ATG2B: variants seen among roughly 807,000 people sequenced by gnomAD.
ATG2B encodes the protein autophagy-related protein 2 homolog B.
In ATG2B, 121 loss-of-function variants were observed where a neutral mutation model predicts 241.3. That is an observed-to-expected ratio of 0.50 (90% CI 0.43 to 0.58). The LOEUF is 0.58. ATG2B is among the 20% of genes least tolerant of loss of function. The pLI is 0.00. For missense variants in ATG2B, 2,306 were observed against 2,491.6 expected (o/e 0.93, Z 1.59); for synonymous variants, 858 against 876.6 (o/e 0.98, Z 0.37).
chr14:96,344,831 G>A (rs1161438856), intron 3 of ATG2B, 75 bp from the exon 4 acceptor site: 2 of 583,322 alleles, frequency 3.4e-6, no homozygotes, highest in Non-Finnish European at 5.6e-6. Flanking sequence ...AAATAAATAA[G>A]TACTAGTTTG....
At chr14:96,322,808 TA>T (rs1207340785) in intron 16 of ATG2B, 73 bp from the exon 17 acceptor site, 3 of 1,193,086 alleles carry the variant, frequency 2.5e-6, no homozygotes, top group Non-Finnish European at 3.6e-6. Flanking sequence ...TTGTGCAAAT[TA>T]ATACACACAC....
intron 23 of ATG2B, 92 bp downstream of exon 23, chr14:96,315,062 G>C: frequency 2.3e-6 from 2 of 876,472 alleles, no homozygotes; most frequent in East Asian, 5.3e-5. Flanking sequence ...TCACTGAGCT[G>C]AACATTTATG....
chr14:96,306,654 C>T (rs1241424724), intron 30 of ATG2B, 60 bp downstream of exon 30: 1 of 1,423,460 alleles, frequency 7.0e-7, no homozygotes, highest in African/African-American at 1.4e-5. Flanking sequence ...CTCCAGGTAC[C>T]CTTTGGTCAA....
Position 96,316,515 on chromosome 14 carries a change from G to A in ATG2B, c.3361+18C>T, listed in dbSNP as rs750676875. ...AACATGTCTAAAGAGAAGAAACCAA[G>A]ACACGTGTTTGTCCTACCTTTATGG... On this transcript the variant is annotated intron_variant, in intron 21 of 41. Coordinates refer to ENST00000359933, the MANE Select transcript of ATG2B (RefSeq NM_018036.7). 3 of 1,605,304 alleles carry A rather than the reference G, an allele frequency of 1.9e-6. No individual in the cohort carries two copies. In the South Asian group the frequency reaches 3.4e-5, roughly 18 times the overall value.
chr14:96,319,106 C>G (rs1298291852), intron 18 of ATG2B, among the ~76,000 whole-genome samples: 1 of 152,174 alleles, frequency 6.6e-6, no homozygotes, highest in African/African-American at 2.4e-5. Flanking sequence ...CAGCCCTGCC[C>G]CCTTCTGTGA....
intron 16 of ATG2B, among the ~76,000 whole-genome samples, chr14:96,323,238 G>A (rs1340643269): frequency 1.3e-5 from 2 of 152,062 alleles, no homozygotes; most frequent in Non-Finnish European, 2.9e-5. Context: ...ATAAAGGGCT[G>A]GTGCTGTTTC....
chr14:96,354,848 G>A lies in ATG2B; in HGVS notation c.163-7507C>T, dbSNP rs766569213. On this transcript the variant is annotated intron_variant, in intron 1 of 41. Coordinates refer to ENST00000359933, the MANE Select transcript of ATG2B (RefSeq NM_018036.7). The stretch of plus-strand genomic sequence containing the variant: ...TAATAATAGCCATTTTGAGTGGTGC[G>A]AGATGGTATCTCATTGTGGTTTTGA... 4.3e-4 allele frequency among the ~76,000 whole-genome samples: 65 copies of A among 152,148 alleles called. 1 individual carries two copies. The highest frequency in any genetic ancestry group is 1.3e-4 in the Admixed American group (2 of 15,286).
At position 96,306,767 on chromosome 14, in the gene ATG2B, G is replaced by A; in HGVS notation, c.4453C>T (p.Pro1485Ser). ...ATGCAAAAGTCATCATTCTCAGTGG[G>A]CACACCTGTCATTGCATCACTGATG... ...HFISDAMTGV[P>S]TENDDFCILF... Residue 1485 changes from proline (P) to serine (S), a missense_variant, in exon 30 of 42, where the codon CCC becomes TCC. Physicochemically the swap from Pro to Ser is moderately conservative, Grantham distance 74 (BLOSUM62 -1). Around this residue, in one of 2 missense-constraint regions of ATG2B, gnomAD observed 1,927 missense variants for 2,011.2 expected, o/e 0.96. Transcript: ENST00000359933. 1.2e-6 allele frequency: 2 copies of A among 1,613,990 alleles called. No individual in the cohort carries two copies. The highest frequency in any genetic ancestry group is 1.7e-6 in the Non-Finnish European group (2 of 1,179,992).
At chr14:96,349,824 C>T (rs1447547388) in intron 1 of ATG2B, among the ~76,000 whole-genome samples, 1 of 152,066 alleles carries the variant, frequency 6.6e-6, no homozygotes, top group African/African-American at 2.4e-5. Context: ...AGCTAGAGCT[C>T]AGGAGAGCCA....
chr14:96,296,146 G>T (rs570630502), intron 34 of ATG2B, among the ~76,000 whole-genome samples: 1 of 152,170 alleles, frequency 6.6e-6, no homozygotes, highest in South Asian at 2.1e-4. Flanking sequence ...GTAGAGACCG[G>T]GTTTCACCAT....
At position 96,289,689 on chromosome 14, in the gene ATG2B, T is replaced by C; in HGVS notation, c.5973A>G (p.Glu1991=). 1 of 1,614,210 alleles carries C rather than the reference T, an allele frequency of 6.2e-7. No homozygotes were observed. The highest frequency in any genetic ancestry group is 8.5e-7 in the Non-Finnish European group (1 of 1,180,016). Residue 1991 remains glutamate, a synonymous_variant, in exon 41 of 42, where the codon GAA becomes GAG. Coordinates refer to ENST00000359933, the MANE Select transcript of ATG2B (RefSeq NM_018036.7). The surrounding 1 kb of genome is among the most constrained non-coding windows in gnomAD (Gnocchi z 4.3). The stretch of plus-strand genomic sequence containing the variant: ...CAACACTGTAGGCCTTGGCCACACC[T>C]TCCCTCAGGTCTACTGGCTGGTGGG... The part of the protein sequence containing the change: ...RLAHQPVDLR[E]GVAKAYSVVK...
chr14:96,299,684 C>T (rs1246179720), intron 34 of ATG2B, among the ~76,000 whole-genome samples: 1 of 152,196 alleles, frequency 6.6e-6, no homozygotes, highest in Non-Finnish European at 1.5e-5. Flanking sequence ...AGATGGAACT[C>T]ATTCCATCTG....
intron 34 of ATG2B, among the ~76,000 whole-genome samples, chr14:96,300,189 T>C (rs1204489069): frequency 6.6e-6 from 1 of 152,186 alleles, no homozygotes; most frequent in African/African-American, 2.4e-5. Context: ...TAGTTCTAAA[T>C]AAGAAATTGT....
At chr14:96,308,261 T>TATATATATAC (rs1887037792) in intron 29 of ATG2B, among the ~76,000 whole-genome samples, 7 of 25,600 alleles carry the variant, frequency 2.7e-4, no homozygotes, top group Non-Finnish European at 5.4e-4. Context: ...TACACACATA[T>TATATATATAC]ATATATATAT....
intron 1 of ATG2B, among the ~76,000 whole-genome samples, chr14:96,352,557 T>C (rs1306463419): frequency 6.6e-6 from 1 of 151,880 alleles, no homozygotes; most frequent in African/African-American, 2.4e-5. Context: ...CCTTACCCTG[T>C]GTAGGCCTAG....
chr14:96,309,667 C>T, intron 28 of ATG2B, 73 bp from the exon 29 acceptor site: 1 of 1,373,596 alleles, frequency 7.3e-7, no homozygotes, highest in Non-Finnish European at 9.9e-7. Context: ...TTTATTTTAT[C>T]CCAAAAATAC....
At position 96,291,676 on chromosome 14, in the gene ATG2B, G is replaced by A. The variant is rs1425650739; in HGVS notation, c.5503C>T (p.Leu1835=). ...GCCAGACCAATCAAAATCCCAGCTA[G>A]CGTACCCTTCAAAATTAAAAAAGGC... The part of the protein sequence containing the change: ...GKHVSMDQGT[L]AGILIGLAQL... The change falls in exon 38 of 42, where the codon CTA becomes TTA. Residue 1835 remains leucine (L), a synonymous_variant. Coordinates refer to ENST00000359933, the MANE Select transcript of ATG2B (RefSeq NM_018036.7). 1 of 1,603,550 alleles carries A rather than the reference G, an allele frequency of 6.2e-7. No individual in the cohort carries two copies. The highest frequency in any genetic ancestry group is 1.3e-5 in the African/African-American group (1 of 74,722).
intron 19 of ATG2B, 34 bp downstream of exon 19, chr14:96,317,664 C>T (rs1416753336): frequency 1.3e-6 from 2 of 1,490,640 alleles, no homozygotes; most frequent in Non-Finnish European, 1.8e-6. Flanking sequence ...ATAAACTAGG[C>T]ATTTTAAATC....
intron 11 of ATG2B, among the ~76,000 whole-genome samples, chr14:96,330,939 G>A (rs1034030317): frequency 2.6e-5 from 4 of 152,198 alleles, no homozygotes; most frequent in Admixed American, 1.3e-4. Context: ...CCTTGGTAAT[G>A]TTTCCCACCC....
Sources: allele counts gnomAD v4.1 joint callset (sites outside exome capture counted in the v4.1 genomes callset), GRCh38; gene constraint gnomAD v4.1.1; regional missense constraint gnomAD v4.1.1; non-coding constraint Gnocchi (gnomAD v3.1); transcripts MANE v1.5; gene names NCBI Gene and HGNC (gene_info 2026-07-23, HGNC 2026-07-21).